Variants in CACNA2D1 observed in about 807,000 individuals in gnomAD.
The protein encoded by CACNA2D1 is voltage-dependent calcium channel subunit alpha-2/delta-1.
CACNA2D1 carries 53 observed loss-of-function variants against 171.5 expected under a neutral mutation model. That is an observed-to-expected ratio of 0.31 (90% CI 0.25 to 0.39). The LOEUF is 0.39. Ranked by LOEUF, CACNA2D1 falls within the 10% of genes least tolerant of loss-of-function variation. CACNA2D1 has a pLI of 1.00. For synonymous variants in CACNA2D1, 442 were observed against 443.1 expected, an observed-to-expected ratio of 1.00 and a Z score of 0.03; for missense variants, 903 against 1,299.8, an observed-to-expected ratio of 0.69 and a Z score of 4.69.
At chr7:81,969,805 T>TG (rs1201851293) in intron 28 of CACNA2D1, 76 bp downstream of exon 28, 10 of 801,422 alleles carry the variant, frequency 1.2e-5, no homozygotes, top group Non-Finnish European at 2.0e-5. Flanking sequence ...TGTAGTGATT[T>TG]GGGGGGAGAG....
chr7:82,048,437 T>A (rs1175901299), intron 10 of CACNA2D1, among the ~76,000 whole-genome samples: 3 of 152,134 alleles, frequency 2.0e-5, no homozygotes, highest in Non-Finnish European at 4.4e-5. Context: ...GTTTAGAACT[T>A]ATACAAATTG....
chr7:82,343,072 TAA>T (rs1270822946), intron 2 of CACNA2D1: 2 of 152,188 alleles, frequency 1.3e-5, no homozygotes, highest in African/African-American at 2.4e-5. Context: ...CACACATATA[TAA>T]ATGCATAATT....
chr7:82,383,733 C>T (rs1388503079), intron 1 of CACNA2D1, among the ~76,000 whole-genome samples: 4 of 152,202 alleles, frequency 2.6e-5, no homozygotes, highest in Non-Finnish European at 5.9e-5. Context: ...ACTTTTATCA[C>T]TTTGCCTACA....
rs1455526415 is a variant in CACNA2D1, at chr7:82,442,260, A to T, written c.95+1105T>A. On this transcript the variant is annotated intron_variant, in intron 1 of 38. Transcript: ENST00000356860. ...TCCACCAAAAACTCCTGTATTCAGC[A>T]CTCAGCCAACAAAGGACAGCAAGTA... Among the ~76,000 whole-genome samples the T allele has an allele frequency of 3.3e-5, 5 of 152,176 alleles. No homozygotes were observed. In the South Asian group the frequency reaches 1.0e-3, roughly 31 times the overall value.
rs374998882 is a variant in CACNA2D1 at position 82,043,655 on chromosome 7, G to A, written c.880-5420C>T. ...CTCAAATGAAATAACCCAAGCTTTTGGTTTTGTAAAGGCAGTCTCTATTTT... is the reference window on the plus strand; with the variant it reads ...CTCAAATGAAATAACCCAAGCTTTTAGTTTTGTAAAGGCAGTCTCTATTTT... On this transcript the variant is annotated intron_variant, in intron 10 of 38. Transcript: ENST00000356860. 1.8e-3 allele frequency among the ~76,000 whole-genome samples: 267 copies of A among 152,196 alleles called. 3 individuals carry two copies. Among genetic ancestry groups the A allele is most frequent in the African/African-American group, 6.3e-3 (261 of 41,544 alleles).
intron 1 of CACNA2D1, among the ~76,000 whole-genome samples, chr7:82,370,116 C>T (rs1822218170): frequency 6.6e-6 from 1 of 152,026 alleles, no homozygotes; most frequent in African/African-American, 2.4e-5. Flanking sequence ...TAAAATATTC[C>T]ACTTAAAGAC....
chr7:82,009,834 A>T (rs966086828), intron 15 of CACNA2D1, among the ~76,000 whole-genome samples: 1 of 152,052 alleles, frequency 6.6e-6, no homozygotes, highest in African/African-American at 2.4e-5. Context: ...ATAAAACAAG[A>T]TTTCTCTACC....
intron 3 of CACNA2D1, among the ~76,000 whole-genome samples, chr7:82,249,700 A>C (rs897656232): frequency 1.2e-4 from 18 of 152,194 alleles, no homozygotes; most frequent in African/African-American, 3.9e-4. Context: ...CACCTATTAA[A>C]ATACCCTTGA....
chr7:82,248,365 A>G (rs183916133), intron 3 of CACNA2D1, among the ~76,000 whole-genome samples: 61 of 152,228 alleles, frequency 4.0e-4, no homozygotes, highest in African/African-American at 1.4e-3. Flanking sequence ...ACCTGAGAAG[A>G]GAGGACAGCT....
At chr7:82,111,428 G>GTGTGTGTA (rs1413914216) in intron 6 of CACNA2D1, among the ~76,000 whole-genome samples, 15 of 50,402 alleles carry the variant, frequency 3.0e-4, no homozygotes, top group African/African-American at 1.3e-3. Context: ...ATATATGTGT[G>GTGTGTGTA]TATATATATA....
chr7:82,315,316 G>T lies in CACNA2D1; in HGVS notation c.294+19819C>A, dbSNP rs539201645. Among the ~76,000 whole-genome samples the T allele has an allele frequency of 7.2e-5, 11 of 151,808 alleles. No individual in the cohort carries two copies. In the East Asian group the frequency reaches 1.9e-3, roughly 27 times the overall value. On this transcript the variant is annotated intron_variant, in intron 3 of 38. Transcript: ENST00000356860. ...TAGGGTTATTGAAAGACTAAGGAAA[G>T]AATAGAAACCATGATGAATTCAAAA...
chr7:81,967,232 A>G, intron 30 of CACNA2D1, 25 bp from the exon 31 acceptor site: 1 of 1,592,722 alleles, frequency 6.3e-7, no homozygotes, highest in Non-Finnish European at 8.6e-7. Flanking sequence ...TGCGATTATC[A>G]CCTCACTTTT....
intron 1 of CACNA2D1, among the ~76,000 whole-genome samples, chr7:82,379,443 A>G (rs1266587695): frequency 6.6e-6 from 1 of 152,218 alleles, no homozygotes; most frequent in African/African-American, 2.4e-5. Context: ...AAATACAAAC[A>G]TATTTCTTCA....
At chr7:82,297,827 ATAAT>A (rs1812486710) in intron 3 of CACNA2D1, among the ~76,000 whole-genome samples, 1 of 152,194 alleles carries the variant, frequency 6.6e-6, no homozygotes, top group Non-Finnish European at 1.5e-5. Flanking sequence ...ATCTTAATAA[ATAAT>A]TATGTATTCA....
chr7:82,080,051 A>G (rs373418624), intron 7 of CACNA2D1, among the ~76,000 whole-genome samples: 1 of 54,798 alleles, frequency 1.8e-5, no homozygotes, highest in South Asian at 5.6e-4. Flanking sequence ...AAAAATATAT[A>G]TGTGTGTATA....
chr7:82,432,532 G>C (rs573760514), intron 1 of CACNA2D1, among the ~76,000 whole-genome samples: 1 of 152,334 alleles, frequency 6.6e-6, no homozygotes, highest in Admixed American at 6.5e-5. Flanking sequence ...TTTGTTTAGA[G>C]ATGAGCCTAT....
chr7:82,276,749 T>C (rs1255519869), intron 3 of CACNA2D1, among the ~76,000 whole-genome samples: 4 of 133,144 alleles, frequency 3.0e-5, no homozygotes, highest in African/African-American at 1.1e-4. Context: ...TTTCTTTTTC[T>C]TTTTCTTTTT....
intron 1 of CACNA2D1, among the ~76,000 whole-genome samples, chr7:82,357,717 G>A (rs562866735): frequency 1.4e-5 from 2 of 139,546 alleles, no homozygotes; most frequent in African/African-American, 5.2e-5. Context: ...GTTGTGGGGT[G>A]GGGGGTGGGG....
At chr7:82,291,660 T>A (rs1563320263) in intron 3 of CACNA2D1, among the ~76,000 whole-genome samples, 1 of 134,646 alleles carries the variant, frequency 7.4e-6, no homozygotes, top group Non-Finnish European at 1.5e-5. Flanking sequence ...CATATATATA[T>A]ATTTTTTTTT....
Sources: allele counts gnomAD v4.1 joint callset (sites outside exome capture counted in the v4.1 genomes callset), GRCh38; gene constraint gnomAD v4.1.1; transcripts MANE v1.5; gene names NCBI Gene and HGNC (gene_info 2026-07-23, HGNC 2026-07-21).